Variants in DLGAP2 observed in about 807,000 individuals in gnomAD.
DLGAP2 encodes disks large-associated protein 2.
Under a neutral mutation model 100.3 loss-of-function variants are expected in DLGAP2, and 26 were observed. That is an observed-to-expected ratio of 0.26 (90% CI 0.19 to 0.36). The LOEUF (loss-of-function observed/expected upper bound fraction) is 0.36. Among genes scored for constraint, DLGAP2 ranks in the 10% least tolerant of loss-of-function variants. The pLI, the probability that DLGAP2 is intolerant of heterozygous loss-of-function variation, is 1.00. For missense variants in DLGAP2, 1,858 were observed against 1,453.2 expected (o/e 1.28, Z -4.53); for synonymous variants, 886 against 630.1 (o/e 1.41, Z -6.08).
chr8:1,595,436 G>T (rs1319065826), intron 6 of DLGAP2, among the ~76,000 whole-genome samples: 1 of 151,772 alleles, frequency 6.6e-6, no homozygotes, highest in African/African-American at 2.4e-5. Context: ...GGCCGAGGCG[G>T]GTGGATCATG....
intron 3 of DLGAP2, among the ~76,000 whole-genome samples, chr8:1,274,118 C>A (rs1261282270): frequency 6.6e-6 from 1 of 151,888 alleles, no homozygotes; most frequent in African/African-American, 2.4e-5. Flanking sequence ...GATTTTTTTA[C>A]ATTTATAGAA....
chr8:1,463,888 G>C (rs1220357804), intron 3 of DLGAP2, among the ~76,000 whole-genome samples: 1 of 152,218 alleles, frequency 6.6e-6, no homozygotes, highest in Non-Finnish European at 1.5e-5. Context: ...TGTGACCTGG[G>C]CCTTCCAGGG....
chr8:1,495,903 G>A (rs1040156960), intron 3 of DLGAP2, among the ~76,000 whole-genome samples: 57 of 152,310 alleles, frequency 3.7e-4, no homozygotes, highest in East Asian at 5.8e-4. Flanking sequence ...ACTGGGTGCC[G>A]GCGCCCAGCC....
chr8:1,303,489 G>A (rs1800415170), intron 3 of DLGAP2, among the ~76,000 whole-genome samples: 1 of 152,042 alleles, frequency 6.6e-6, no homozygotes. Context: ...GCTTCGACCT[G>A]GAAATAAGAT....
At position 1,678,384 on chromosome 8, in the gene DLGAP2, C is replaced by G. The variant is rs1211565603; in HGVS notation, c.2459C>G (p.Thr820Ser). 6.2e-7 allele frequency: 1 copy of G among 1,614,004 alleles called. No individual in the cohort carries two copies. Among genetic ancestry groups the G allele is most frequent in the Middle Eastern group, 1.6e-4 (1 of 6,062 alleles). Residue 820 changes from threonine to serine, a missense_variant, in exon 12 of 15, where the codon ACT (threonine) becomes AGT (serine). Thr to Ser is a moderately conservative substitution (Grantham distance 58). Transcript: ENST00000637795. ...STPTQYSAVR[T>S]VRTQGLFSYR... ...CCCACCCAGTACAGCGCGGTGAGAACTGTACGGACCCAGGGGCTCTTCAGC... is the reference window on the plus strand; with the variant it reads ...CCCACCCAGTACAGCGCGGTGAGAAGTGTACGGACCCAGGGGCTCTTCAGC...
chr8:962,079 T>C (rs1396679365), intron 2 of DLGAP2, among the ~76,000 whole-genome samples: 2 of 152,244 alleles, frequency 1.3e-5, no homozygotes, highest in Non-Finnish European at 2.9e-5. Context: ...AGCTTAGCAT[T>C]TGTAAAAGCA....
intron 2 of DLGAP2, among the ~76,000 whole-genome samples, chr8:1,080,867 G>T (rs1178351162): frequency 6.6e-6 from 1 of 152,148 alleles, no homozygotes; most frequent in Non-Finnish European, 1.5e-5. Flanking sequence ...GACATTTACT[G>T]TATTAAATAT....
At chr8:822,956 C>T (rs967550750) in intron 1 of DLGAP2, among the ~76,000 whole-genome samples, 5 of 151,912 alleles carry the variant, frequency 3.3e-5, no homozygotes, top group African/African-American at 7.3e-5. Flanking sequence ...CAAACAGTCA[C>T]GGAGACGGCA....
intron 6 of DLGAP2, among the ~76,000 whole-genome samples, chr8:1,577,026 A>G (rs1411707249): frequency 6.6e-6 from 1 of 152,236 alleles, no homozygotes; most frequent in Non-Finnish European, 1.5e-5. Flanking sequence ...ACTATACTAC[A>G]GGCTACAGTA....
intron 8 of DLGAP2, among the ~76,000 whole-genome samples, chr8:1,662,257 C>T (rs1409766836): frequency 1.3e-5 from 2 of 152,232 alleles, no homozygotes; most frequent in Admixed American, 1.3e-4. Flanking sequence ...CATATAATCT[C>T]CTCTTACTCT....
chr8:979,051 A>G (rs984930893), intron 2 of DLGAP2, among the ~76,000 whole-genome samples: 8 of 152,242 alleles, frequency 5.3e-5, no homozygotes, highest in East Asian at 1.9e-4. Context: ...AGGAGTGTTC[A>G]GGAGCATGCA....
rs1374487033 is a variant in DLGAP2, at chr8:1,352,235, TGTTTGGAAAG to T, written c.106+93354_106+93363del. On this transcript the variant is annotated intron_variant, in intron 3 of 14. Coordinates refer to ENST00000637795, the MANE Select transcript of DLGAP2 (RefSeq NM_001346810.2). ...GGAAAGGCCGTGCGGGTCCTGACTG[TGTTTGGAAAG>T]GCCGTGTGGGTCCTGATCGTGTGTG... Among the ~76,000 whole-genome samples, 880 of 125,204 alleles carry T rather than the reference TGTTTGGAAAG, an allele frequency of 7.0e-3. 27 individuals carry two copies. The highest frequency in any genetic ancestry group is 0.02 in the African/African-American group (657 of 33,674). 82.1% of individuals were successfully genotyped at this position (125,204 alleles called of 152,430 possible).
intron 12 of DLGAP2, among the ~76,000 whole-genome samples, chr8:1,689,127 G>C (rs1450729177): frequency 6.6e-6 from 1 of 152,180 alleles, no homozygotes; most frequent in African/African-American, 2.4e-5. Flanking sequence ...ACCTACACGA[G>C]GATTGGGTTC....
chr8:1,054,442 G>A (rs563893886), intron 2 of DLGAP2, among the ~76,000 whole-genome samples: 2 of 152,172 alleles, frequency 1.3e-5, no homozygotes, highest in South Asian at 2.1e-4. Flanking sequence ...GTTACACTTC[G>A]GCTTTGTAGA....
chr8:1,386,873 G>T (rs1023600562), intron 3 of DLGAP2, among the ~76,000 whole-genome samples: 1 of 152,112 alleles, frequency 6.6e-6, no homozygotes, highest in Non-Finnish European at 1.5e-5. Flanking sequence ...ATTTTGAACT[G>T]TATTAATGAT....
At chr8:1,267,586 A>AATAAG (rs1186600186) in intron 3 of DLGAP2, among the ~76,000 whole-genome samples, 3,673 of 48,382 alleles carry the variant, frequency 0.076, 336 homozygotes, top group Non-Finnish European at 0.098. Context: ...AATAAAATAA[A>AATAAG]ATAAGATAAG....
intron 1 of DLGAP2, among the ~76,000 whole-genome samples, chr8:830,459 T>C (rs1796760571): frequency 6.6e-6 from 1 of 152,196 alleles, no homozygotes; most frequent in Admixed American, 6.5e-5. Flanking sequence ...CCCATGACCC[T>C]TCCCAGCCAC....
chr8:1,176,279 A>T (rs11992229), intron 2 of DLGAP2, among the ~76,000 whole-genome samples: 28,261 of 152,072 alleles, frequency 0.19, 2,812 homozygotes, highest in Middle Eastern at 0.35. Flanking sequence ...CAAGAATAGC[A>T]TGGGGAAAAC....
intron 2 of DLGAP2, among the ~76,000 whole-genome samples, chr8:1,028,122 G>C (rs1801865476): frequency 1.4e-5 from 2 of 139,144 alleles, no homozygotes; most frequent in Admixed American, 7.0e-5. Flanking sequence ...TTATTCTCCA[G>C]GTGGGGTGTC....
Sources: gnomAD v4.1 joint callset for allele counts (sites outside exome capture counted in the v4.1 genomes callset) on GRCh38, gnomAD v4.1.1 for gene constraint, MANE v1.5 for transcripts, NCBI Gene and HGNC (gene_info 2026-07-23, HGNC 2026-07-21) for gene names.